FRMD4A: variants seen among roughly 807,000 people sequenced by gnomAD.
The protein encoded by FRMD4A is FERM domain containing 4A.
FRMD4A carries 29 observed loss-of-function variants against 129.1 expected under a neutral mutation model. That is an observed-to-expected ratio of 0.22 (90% CI 0.17 to 0.31). The LOEUF (loss-of-function observed/expected upper bound fraction) is 0.31, where lower values mean the gene tolerates loss of function less well. Ranked by LOEUF, FRMD4A falls within the 10% of genes least tolerant of loss-of-function variation. The pLI, the probability that FRMD4A is intolerant of heterozygous loss-of-function variation, is 1.00. For synonymous variants in FRMD4A, 634 were observed against 571.6 expected, an observed-to-expected ratio of 1.11 and a Z score of -1.56; for missense variants, 1,272 against 1,375.8, an observed-to-expected ratio of 0.92 and a Z score of 1.19.
At chr10:13,694,071 T>C (rs1201089250) in intron 14 of FRMD4A, 32 bp from the exon 15 acceptor site, 2 of 1,493,230 alleles carry the variant, frequency 1.3e-6, no homozygotes, top group Admixed American at 2.5e-5. Flanking sequence ...GTCAAAGAAG[T>C]GACGCTCACC....
At chr10:13,996,617 C>T (rs1308234839) in intron 2 of FRMD4A, among the ~76,000 whole-genome samples, 1 of 152,182 alleles carries the variant, frequency 6.6e-6, no homozygotes, top group East Asian at 1.9e-4. Flanking sequence ...GGGAACTAGG[C>T]ATAATGTAAC....
chr10:14,296,192 A>C (rs1285644876), intron 2 of FRMD4A, among the ~76,000 whole-genome samples: 1 of 152,188 alleles, frequency 6.6e-6, no homozygotes, highest in East Asian at 1.9e-4. Flanking sequence ...TTATCGGGTG[A>C]GAATATTTCC....
intron 2 of FRMD4A, among the ~76,000 whole-genome samples, chr10:14,182,593 A>T (rs1187410377): frequency 6.6e-6 from 1 of 152,120 alleles, no homozygotes. Context: ...CCTTCATGGT[A>T]GGGGTGTGAA....
chr10:14,125,630 C>T (rs897462169), intron 2 of FRMD4A, among the ~76,000 whole-genome samples: 3 of 152,160 alleles, frequency 2.0e-5, no homozygotes, highest in Non-Finnish European at 1.5e-5. Context: ...TGCTGGAGCC[C>T]AGCTAAATCC....
chr10:14,230,447 T>G (rs1473668475), intron 2 of FRMD4A, among the ~76,000 whole-genome samples: 1 of 152,208 alleles, frequency 6.6e-6, no homozygotes, highest in Non-Finnish European at 1.5e-5. Flanking sequence ...ACAAAATGAT[T>G]GTGAGGATTA....
At chr10:14,308,394 T>C (rs1349965212) in intron 2 of FRMD4A, among the ~76,000 whole-genome samples, 4 of 138,902 alleles carry the variant, frequency 2.9e-5, no homozygotes, top group Admixed American at 2.1e-4. Context: ...ACTACCAATT[T>C]ATTATTATTT....
chr10:14,299,688 G>A (rs1203619956), intron 2 of FRMD4A, among the ~76,000 whole-genome samples: 2 of 152,122 alleles, frequency 1.3e-5, no homozygotes, highest in Non-Finnish European at 2.9e-5. Flanking sequence ...CCTATCTCCT[G>A]GGAACTCAAT....
At position 13,850,627 on chromosome 10, in the gene FRMD4A, TGGTTG is replaced by T. The variant is rs909222998; in HGVS notation, c.111+8215_111+8219del. Reference sequence around the variant, plus strand: ...GACCTGAGATAAGGTTCGAAGTCTTTGGTTGCCATCGTTTATGGCTCTGGTGTCAG... The same window carrying T: ...GACCTGAGATAAGGTTCGAAGTCTTTCCATCGTTTATGGCTCTGGTGTCAG... On this transcript the variant is annotated intron_variant, in intron 3 of 24. Transcript: ENST00000357447. 5.8e-3 allele frequency among the ~76,000 whole-genome samples: 882 copies of T among 152,340 alleles called. 6 individuals carry two copies. The highest frequency in any genetic ancestry group is 0.02 in the African/African-American group (824 of 41,574).
chr10:14,026,706 A>T (rs776028653), intron 2 of FRMD4A, among the ~76,000 whole-genome samples: 3 of 152,214 alleles, frequency 2.0e-5, no homozygotes, highest in Non-Finnish European at 2.9e-5. Flanking sequence ...ATCAGCAAGA[A>T]AGTCTCAACA....
chr10:13,659,622 C>A, intron 20 of FRMD4A, 132 bp from the exon 21 acceptor site: 1 of 840,866 alleles, frequency 1.2e-6, no homozygotes. Flanking sequence ...CTTGGTCAGA[C>A]CTCTACTGTG....
intron 2 of FRMD4A, among the ~76,000 whole-genome samples, chr10:14,013,969 G>A (rs2095690131): frequency 6.6e-6 from 1 of 152,170 alleles, no homozygotes. Flanking sequence ...CAAAGTCCAA[G>A]GCCAGCCCAT....
At chr10:13,967,012 G>A (rs2131373922) in intron 2 of FRMD4A, among the ~76,000 whole-genome samples, 1 of 152,328 alleles carries the variant, frequency 6.6e-6, no homozygotes. Flanking sequence ...CTCACAAGTG[G>A]GAGCTAAGCT....
At chr10:13,786,830 A>G (rs1157543757) in intron 5 of FRMD4A, among the ~76,000 whole-genome samples, 1 of 152,238 alleles carries the variant, frequency 6.6e-6, no homozygotes, top group Non-Finnish European at 1.5e-5. Flanking sequence ...GTCTAAATTC[A>G]TATAAGGTCT....
intron 2 of FRMD4A, among the ~76,000 whole-genome samples, chr10:13,941,534 G>GCAAAA (rs1316948911): frequency 2.0e-5 from 3 of 152,160 alleles, no homozygotes; most frequent in African/African-American, 4.8e-5. Flanking sequence ...AAAAAGCAAA[G>GCAAAA]CAAAACAAAA....
At chr10:14,239,399 G>A (rs957284748) in intron 2 of FRMD4A, among the ~76,000 whole-genome samples, 6 of 152,162 alleles carry the variant, frequency 3.9e-5, no homozygotes, top group African/African-American at 7.2e-5. Context: ...AGGCCGAGGC[G>A]GGCGGATCAG....
chr10:13,662,464 G>T (rs1014692768), intron 19 of FRMD4A, among the ~76,000 whole-genome samples: 3 of 152,000 alleles, frequency 2.0e-5, no homozygotes, highest in Admixed American at 1.3e-4. Context: ...AAAATTAACT[G>T]CCACTTAATA....
chr10:14,039,446 AAATC>A (rs67956646), intron 2 of FRMD4A, among the ~76,000 whole-genome samples: 11,836 of 110,394 alleles, frequency 0.11, 710 homozygotes, highest in Middle Eastern at 0.16. Flanking sequence ...TGGAACCCCA[AAATC>A]AATCAATCTA....
At chr10:13,866,268 A>C in intron 2 of FRMD4A, 2 of 979,916 alleles carry the variant, frequency 2.0e-6, no homozygotes, top group Non-Finnish European at 1.2e-6. Context: ...TACCGCTGAC[A>C]GCACGTCTTC....
At chr10:14,158,322 C>T (rs1840702105) in intron 2 of FRMD4A, among the ~76,000 whole-genome samples, 1 of 152,136 alleles carries the variant, frequency 6.6e-6, no homozygotes. Flanking sequence ...CAGAAGATAG[C>T]CTCTGTGGTC....
Sources: allele counts gnomAD v4.1 joint callset (sites outside exome capture counted in the v4.1 genomes callset), GRCh38; gene constraint gnomAD v4.1.1; transcripts MANE v1.5; gene names NCBI Gene and HGNC (gene_info 2026-07-23, HGNC 2026-07-21).